Variants in RARB observed in about 807,000 individuals in gnomAD.
The protein encoded by RARB is retinoic acid receptor beta.
RARB carries 17 observed loss-of-function variants against 51.9 expected under a neutral mutation model. That is an observed-to-expected ratio of 0.33 (90% CI 0.22 to 0.49). The LOEUF (loss-of-function observed/expected upper bound fraction) is 0.49. RARB is among the 20% of genes least tolerant of loss of function. RARB has a pLI of 0.99. For synonymous variants in RARB, 215 were observed against 195.4 expected (o/e 1.10, Z -0.84); for missense variants, 369 against 550.8 (o/e 0.67, Z 3.30).
chr3:24,912,340 C>T (rs931327005), intron 2 of RARB, among the ~76,000 whole-genome samples: 1 of 152,098 alleles, frequency 6.6e-6, no homozygotes, highest in African/African-American at 2.4e-5. Context: ...GATTCATGTA[C>T]CCGTTTCTTC....
At chr3:24,895,600 T>G (rs1204421115) in intron 2 of RARB, among the ~76,000 whole-genome samples, 1 of 131,902 alleles carries the variant, frequency 7.6e-6, no homozygotes, top group African/African-American at 3.0e-5. Context: ...TCTCACTTGC[T>G]CCTTACAATT....
chr3:25,364,763 T>G (rs1364075150), intron 5 of RARB, among the ~76,000 whole-genome samples: 1 of 152,212 alleles, frequency 6.6e-6, no homozygotes. Context: ...TTACCAGCAA[T>G]TCAATATATA....
intron 5 of RARB, among the ~76,000 whole-genome samples, chr3:25,381,051 G>A (rs753399313): frequency 1.6e-4 from 24 of 151,462 alleles, no homozygotes; most frequent in Non-Finnish European, 1.9e-4. Flanking sequence ...TCAGGCTTCC[G>A]TTTTTCTATT....
At chr3:24,862,286 T>C (rs1273981021) in intron 2 of RARB, among the ~76,000 whole-genome samples, 1 of 152,186 alleles carries the variant, frequency 6.6e-6, no homozygotes, top group African/African-American at 2.4e-5. Flanking sequence ...TTAAAGGCTA[T>C]AGTGATTAAA....
intron 5 of RARB, among the ~76,000 whole-genome samples, chr3:25,204,907 A>G (rs552729888): frequency 4.5e-4 from 68 of 152,322 alleles, no homozygotes; most frequent in African/African-American, 1.6e-3. Flanking sequence ...GTTCATTCTC[A>G]GATCTCAAGC....
At chr3:24,878,439 G>C (rs1413928188) in intron 2 of RARB, among the ~76,000 whole-genome samples, 3 of 151,770 alleles carry the variant, frequency 2.0e-5, no homozygotes, top group Non-Finnish European at 4.4e-5. Context: ...AACCTTGGTT[G>C]ACTGCTTATG....
intron 5 of RARB, among the ~76,000 whole-genome samples, chr3:25,246,893 C>A (rs1052362059): frequency 6.6e-6 from 1 of 152,170 alleles, no homozygotes; most frequent in Non-Finnish European, 1.5e-5. Context: ...CAAGCAGAAA[C>A]GTTTAAGTCT....
rs150520199 is a variant in RARB at position 25,500,441 on chromosome 3, T to C, written c.307-741T>C. ...TTGCATTAGGCAAATAATTTCTTTT[T>C]CTTTCTTTTCTTGTTTTTTTTTTTT... On this transcript the variant is annotated intron_variant, in intron 2 of 7. Coordinates refer to ENST00000330688, the MANE Select transcript of RARB (RefSeq NM_000965.5). Among the ~76,000 whole-genome samples the C allele has an allele frequency of 4.4e-3, 655 of 149,300 alleles. 2 individuals carry two copies. Among genetic ancestry groups the C allele is most frequent in the African/African-American group, 0.016 (633 of 40,310 alleles).
intron 2 of RARB, among the ~76,000 whole-genome samples, chr3:24,963,145 T>C (rs1266277654): frequency 6.6e-6 from 1 of 152,118 alleles, no homozygotes; most frequent in Non-Finnish European, 1.5e-5. Flanking sequence ...TTTAAACTGA[T>C]TTGGTTTTGA....
At chr3:24,878,901 T>C (rs1342951859) in intron 2 of RARB, among the ~76,000 whole-genome samples, 1 of 152,224 alleles carries the variant, frequency 6.6e-6, no homozygotes, top group Non-Finnish European at 1.5e-5. Flanking sequence ...TTATTTCATT[T>C]TTATTTTTCA....
At chr3:24,993,353 C>A (rs929575086) in intron 2 of RARB, among the ~76,000 whole-genome samples, 100 of 152,132 alleles carry the variant, frequency 6.6e-4, no homozygotes, top group African/African-American at 2.3e-3. Flanking sequence ...ATTTTGTAAA[C>A]AGCGTGGACA....
At chr3:24,925,906 A>G (rs953117852) in intron 2 of RARB, among the ~76,000 whole-genome samples, 5 of 152,008 alleles carry the variant, frequency 3.3e-5, no homozygotes, top group Admixed American at 2.6e-4. Flanking sequence ...GTATTTACCA[A>G]CGTGTAAGTT....
At chr3:25,012,433 T>C (rs1053469596) in intron 2 of RARB, among the ~76,000 whole-genome samples, 3 of 152,128 alleles carry the variant, frequency 2.0e-5, no homozygotes, top group Admixed American at 6.6e-5. Flanking sequence ...ACAAGCTCCA[T>C]GTGCATCCAG....
chr3:25,355,186 G>A (rs1417524180), intron 5 of RARB, among the ~76,000 whole-genome samples: 1 of 152,142 alleles, frequency 6.6e-6, no homozygotes, highest in Non-Finnish European at 1.5e-5. Flanking sequence ...ATAAATCTGA[G>A]TACCGAGGGT....
chr3:25,595,778 A>C (rs1231296515), intron 7 of RARB, among the ~76,000 whole-genome samples: 1 of 152,184 alleles, frequency 6.6e-6, no homozygotes, highest in Non-Finnish European at 1.5e-5. Flanking sequence ...TACTGGACAG[A>C]GTGCTGCTAA....
intron 3 of RARB, among the ~76,000 whole-genome samples, chr3:25,065,617 C>G (rs1490270365): frequency 1.3e-5 from 2 of 152,184 alleles, no homozygotes; most frequent in Non-Finnish European, 2.9e-5. Context: ...AAAGTATGAA[C>G]AGAATTCATG....
chr3:25,280,240 T>G (rs1227983092), intron 5 of RARB, among the ~76,000 whole-genome samples: 1 of 152,104 alleles, frequency 6.6e-6, no homozygotes, highest in Non-Finnish European at 1.5e-5. Flanking sequence ...GCAAGGCCTG[T>G]TTGTTCAGAT....
chr3:25,187,395 T>G (rs934922500), intron 5 of RARB, among the ~76,000 whole-genome samples: 2 of 151,994 alleles, frequency 1.3e-5, no homozygotes, highest in African/African-American at 4.8e-5. Context: ...AAAGAACACA[T>G]GAGTAGACAC....
chr3:25,411,052 G>A (rs1175561917), intron 5 of RARB, among the ~76,000 whole-genome samples: 1 of 152,202 alleles, frequency 6.6e-6, no homozygotes, highest in Non-Finnish European at 1.5e-5. Context: ...CCCTTATACA[G>A]TAAATACTTT....
Sources: allele counts gnomAD v4.1 joint callset (sites outside exome capture counted in the v4.1 genomes callset), GRCh38; gene constraint gnomAD v4.1.1; transcripts MANE v1.5; gene names NCBI Gene and HGNC (gene_info 2026-07-23, HGNC 2026-07-21).